STS: variants seen among roughly 807,000 people sequenced by gnomAD.
STS encodes steryl-sulfatase.
STS carries 7 observed loss-of-function variants against 26.8 expected under a neutral mutation model. That is an observed-to-expected ratio of 0.26 (90% CI 0.15 to 0.49). STS has a LOEUF of 0.49. Ranked by LOEUF, STS falls within the 20% of genes least tolerant of loss-of-function variation. The pLI, the probability that STS is intolerant of heterozygous loss-of-function variation, is 0.98. For synonymous variants in STS, 199 were observed against 189.4 expected (o/e 1.05, Z -0.42); for missense variants, 434 against 465.6 (o/e 0.93, Z 0.63).
At chrX:7,178,021 G>T (rs1404296980) in intron 1 of STS, among the ~76,000 whole-genome samples, 1 of 110,539 alleles carries the variant, frequency 9.0e-6, no homozygotes, top group African/African-American at 3.3e-5. Context: ...TGAACCCCTG[G>T]CAAGGAATCC....
At chrX:7,256,679 T>C (rs888243282) in intron 3 of STS, among the ~76,000 whole-genome samples, 22 of 111,581 alleles carry the variant, frequency 2.0e-4, no homozygotes, top group Non-Finnish European at 3.0e-4. Context: ...CTCCCTGCAG[T>C]ATCCTATTTC....
At chrX:7,302,504 C>T (rs929217917) in intron 7 of STS, among the ~76,000 whole-genome samples, 1 of 111,432 alleles carries the variant, frequency 9.0e-6, no homozygotes, top group Non-Finnish European at 1.9e-5. Flanking sequence ...AAATGGCCCT[C>T]GGGTGTCTTA....
intron 2 of STS, chrX:7,219,353 T>C (rs1921444284): frequency 2.1e-6 from 2 of 939,169 alleles, no homozygotes; most frequent in Non-Finnish European, 2.7e-6. Flanking sequence ...AGGGGAGAAG[T>C]TGCCCCTTCT....
chrX:7,243,643 C>G (rs1922725533), intron 2 of STS, among the ~76,000 whole-genome samples: 1 of 111,793 alleles, frequency 8.9e-6, no homozygotes, highest in South Asian at 3.8e-4. Flanking sequence ...ATCACATTCC[C>G]TGGGTTGGTT....
chrX:7,340,290 T>C lies in STS; in HGVS notation c.1363+6183T>C, dbSNP rs1336632953. ...TCAGTTCTCCCGAAATGTCTGCTTA[T>C]GTCTCTAACCCCCCGCCAGATTTGC... On this transcript the variant is annotated intron_variant, in intron 10 of 10. Coordinates refer to ENST00000674429, the MANE Select transcript of STS (RefSeq NM_001320752.2). 2.7e-5 allele frequency among the ~76,000 whole-genome samples: 3 copies of C among 111,831 alleles called. No homozygotes were observed. The East Asian group carries it at 8.4e-4, about 31-fold the overall frequency.
intron 2 of STS, among the ~76,000 whole-genome samples, chrX:7,236,036 T>C (rs1222057601): frequency 8.9e-6 from 1 of 112,400 alleles, no homozygotes; most frequent in Non-Finnish European, 1.9e-5. Context: ...TAATTTAATA[T>C]AACTTTATAT....
chrX:7,202,803 C>T (rs918510816), intron 2 of STS, among the ~76,000 whole-genome samples: 12 of 110,989 alleles, frequency 1.1e-4, no homozygotes, highest in African/African-American at 3.9e-4. Flanking sequence ...TGTGGACTGG[C>T]AACATCCAAT....
intron 9 of STS, among the ~76,000 whole-genome samples, chrX:7,330,800 A>G (rs1927709804): frequency 8.9e-6 from 1 of 112,568 alleles, no homozygotes; most frequent in Non-Finnish European, 1.9e-5. Flanking sequence ...TTTCTGTTCA[A>G]CTATGGCAGA....
intron 1 of STS, among the ~76,000 whole-genome samples, chrX:7,150,159 T>C (rs1166594498): frequency 1.8e-5 from 2 of 112,308 alleles, no homozygotes; most frequent in Non-Finnish European, 3.8e-5. Flanking sequence ...CTGTTATTTT[T>C]TTGGTATTGT....
intron 1 of STS, among the ~76,000 whole-genome samples, chrX:7,156,118 C>T (rs1933128571): frequency 9.2e-6 from 1 of 108,624 alleles, no homozygotes; most frequent in Admixed American, 1.0e-4. Context: ...TGCCACTGCA[C>T]TCCAGCCTGG....
intron 7 of STS, among the ~76,000 whole-genome samples, chrX:7,299,024 ATATTT>A (rs1391136799): frequency 1.9e-4 from 12 of 64,835 alleles, no homozygotes; most frequent in South Asian, 7.7e-4. Context: ...ATATATAAAT[ATATTT>A]TATTTATATA....
Position 7,305,102 on chromosome X carries a change from T to G in STS, c.1000T>G (p.Phe334Val). The change falls in exon 8 of 11, where the codon TTC becomes GTC. Residue 334 changes from phenylalanine (F) to valine (V), a missense_variant. Phe to Val is a conservative substitution (Grantham distance 50, BLOSUM62 -1). Around this residue, in one of 2 missense-constraint regions of STS, gnomAD observed 229 missense variants for 288.3 expected, o/e 0.79. Transcript: ENST00000674429. ...LRLANDTLIY[F>V]TSDQGAHVEE... is the part of the protein sequence containing the mutation. ...ATTGGCTAATGATACCCTCATCTAC[T>G]TCACATCGGACCAGGGAGCACATGT... is the stretch of plus-strand genomic sequence containing the variant. The G allele has an allele frequency of 1.7e-6, 2 of 1,211,070 alleles. No homozygotes were observed. The highest frequency in any genetic ancestry group is 2.2e-6 in the Non-Finnish European group (2 of 894,927).
At chrX:7,338,538 T>C (rs1245522462) in intron 10 of STS, among the ~76,000 whole-genome samples, 2 of 111,841 alleles carry the variant, frequency 1.8e-5, no homozygotes, top group Non-Finnish European at 3.8e-5. Flanking sequence ...TCCATGAAGC[T>C]ATAAAAATTA....
chrX:7,257,260 G>A lies in STS; in HGVS notation c.156G>A (p.Arg52=). Residue 52 remains arginine (R), a synonymous_variant, in exon 4 of 11, where the codon CGG becomes CGA. Transcript: ENST00000674429. Reference sequence around the variant, plus strand: ...GTTCTAGGACTCCCAATATCGACCGGTTGGCCAGTGGGGGAGTGAAACTCA... The same window carrying A: ...GTTCTAGGACTCCCAATATCGACCGATTGGCCAGTGGGGGAGTGAAACTCA... ...NKTIRTPNID[R]LASGGVKLTQ... is the part of the protein sequence containing the mutation. The A allele has an allele frequency of 2.5e-6, 3 of 1,211,144 alleles. No individual in the cohort carries two copies. Among genetic ancestry groups the A allele is most frequent in the Non-Finnish European group, 3.4e-6 (3 of 895,267 alleles).
At chrX:7,151,675 C>A (rs775859278) in intron 1 of STS, among the ~76,000 whole-genome samples, 2 of 111,206 alleles carry the variant, frequency 1.8e-5, no homozygotes, top group Admixed American at 1.9e-4. Context: ...GTTTTTGAAC[C>A]CCTTCACCAT....
chrX:7,263,254 A>T (rs1923836937), intron 6 of STS, among the ~76,000 whole-genome samples: 1 of 111,472 alleles, frequency 9.0e-6, no homozygotes, highest in African/African-American at 3.3e-5. Context: ...TTTTTAATAG[A>T]GACAGGGTTT....
intron 2 of STS, among the ~76,000 whole-genome samples, chrX:7,206,309 C>A (rs772166148): frequency 8.9e-6 from 1 of 112,371 alleles, no homozygotes; most frequent in East Asian, 2.8e-4. Flanking sequence ...ATCACCTTGG[C>A]TTTTTGTTCC....
chrX:7,333,038 A>G (rs1927833807), intron 9 of STS, among the ~76,000 whole-genome samples: 1 of 112,350 alleles, frequency 8.9e-6, no homozygotes, highest in Non-Finnish European at 1.9e-5. Context: ...CTCAAGGGAC[A>G]TAGGACCTCT....
intron 2 of STS, among the ~76,000 whole-genome samples, chrX:7,239,578 G>A (rs199708619): frequency 8.1e-4 from 90 of 111,713 alleles, no homozygotes; most frequent in Non-Finnish European, 1.5e-3. Flanking sequence ...GCTGTTGTAG[G>A]AATAGCTGCT....
Sources: gnomAD v4.1 joint callset for allele counts (sites outside exome capture counted in the v4.1 genomes callset) on GRCh38, gnomAD v4.1.1 for gene constraint, gnomAD v4.1.1 regional missense constraint, MANE v1.5 for transcripts, NCBI Gene and HGNC (gene_info 2026-07-23, HGNC 2026-07-21) for gene names.